Variants in TRIM37 observed in about 807,000 individuals in gnomAD.
The protein encoded by TRIM37 is E3 ubiquitin-protein ligase TRIM37.
Under a neutral mutation model 129.8 loss-of-function variants are expected in TRIM37, and 80 were observed. The observed-to-expected ratio is 0.62, with a 90% confidence interval of 0.51 to 0.74. The LOEUF (loss-of-function observed/expected upper bound fraction) is 0.74, where lower values mean the gene tolerates loss of function less well. Ranked by LOEUF, TRIM37 falls within the 30% of genes least tolerant of loss-of-function variation. The pLI is 0.00. For synonymous variants in TRIM37, 389 were observed against 387.1 expected (o/e 1.00, Z -0.06); for missense variants, 1,054 against 1,176.5 (o/e 0.90, Z 1.52).
chr17:59,080,719 A>C (rs2043184317), intron 6 of TRIM37, among the ~76,000 whole-genome samples: 1 of 152,180 alleles, frequency 6.6e-6, no homozygotes, highest in Non-Finnish European at 1.5e-5. Flanking sequence ...TGAGCCCGGG[A>C]GGTGGAGGTT....
rs72443487 is a variant in TRIM37, at chr17:59,012,227, G to GCAGCAGCAGCAGCAGCAGCACCACCAC, written c.2695+100_2695+101insGTGGTGGTGCTGCTGCTGCTGCTGCTG. ...CCTATCACTACCACCAGCAGCAGCA[G>GCAGCAGCAGCAGCAGCAGCACCACCAC]CACCACCACCACCACCACCACCACC... On this transcript the variant is annotated intron_variant, in intron 22 of 23. Coordinates refer to ENST00000262294, the MANE Select transcript of TRIM37 (RefSeq NM_015294.6). 47 of 611,954 alleles carry GCAGCAGCAGCAGCAGCAGCACCACCAC rather than the reference G, an allele frequency of 7.7e-5. No homozygotes were observed. In the African/African-American group the frequency reaches 8.1e-4, roughly 10 times the overall value. The allele number at this position is 611,954 out of a possible 1,614,324, so 37.9% of individuals were successfully genotyped here. A position where few individuals can be genotyped will look rare whatever the true frequency, so the allele number is the denominator to read the frequency against.
intron 18 of TRIM37, 46 bp downstream of exon 18, chr17:59,031,850 T>C (rs1599013287): frequency 1.9e-6 from 3 of 1,589,122 alleles, no homozygotes; most frequent in South Asian, 1.1e-5. Flanking sequence ...AGAGTTCTTT[T>C]AGAGAACCAC....
rs937952839 is a variant in TRIM37, at chr17:59,081,023, CTTATA to C, written c.492+69_492+73del. 8.4e-5 allele frequency: 76 copies of C among 903,882 alleles called. 1 individual carries two copies. In the African/African-American group the frequency reaches 9.8e-4, roughly 12 times the overall value. The allele number at this position is 903,882 out of a possible 1,614,324, so 56.0% of individuals were successfully genotyped here. ...AACCTTGATTTCAACATCTGATTAACTTATATTATATAAATATATTATTATATATT... is the reference window on the plus strand; with the variant it reads ...AACCTTGATTTCAACATCTGATTAACTTATATAAATATATTATTATATATT... On this transcript the variant is annotated intron_variant, in intron 6 of 23. Transcript: ENST00000262294.
chr17:58,980,708 T>G, downstream of TRIM37: 3 of 1,614,250 alleles, frequency 1.9e-6, no homozygotes, highest in South Asian at 3.3e-5. The surrounding 1 kb of genome is among the most constrained non-coding windows in gnomAD (Gnocchi z 4.7). Flanking sequence ...GTCTCCTGTC[T>G]GTTCAGGGTT....
chr17:59,032,758 A>G (rs1383588063), intron 17 of TRIM37, among the ~76,000 whole-genome samples: 1 of 152,094 alleles, frequency 6.6e-6, no homozygotes, highest in Non-Finnish European at 1.5e-5. Flanking sequence ...GTTTTAGATA[A>G]AAGAAGACAA....
chr17:59,058,951 AAAG>A (rs2041224619), intron 12 of TRIM37, among the ~76,000 whole-genome samples: 1 of 152,248 alleles, frequency 6.6e-6, no homozygotes, highest in Non-Finnish European at 1.5e-5. Context: ...ACAAAAAGAC[AAAG>A]AAGATAGCCT....
intron 17 of TRIM37, among the ~76,000 whole-genome samples, chr17:59,039,457 C>T (rs977377030): frequency 1.1e-4 from 17 of 151,942 alleles, no homozygotes; most frequent in African/African-American, 4.1e-4. Context: ...CGACATTCTC[C>T]TGCCTCAGCC....
intron 17 of TRIM37, among the ~76,000 whole-genome samples, chr17:59,037,359 C>A (rs1357421922): frequency 6.6e-6 from 1 of 151,510 alleles, no homozygotes; most frequent in East Asian, 2.0e-4. Context: ...GAGATCGAGA[C>A]CATCCTGGCT....
intron 21 of TRIM37, among the ~76,000 whole-genome samples, 187 bp from the exon 22 acceptor site, chr17:59,012,633 T>G (rs1362562946): frequency 1.3e-5 from 2 of 152,126 alleles, no homozygotes; most frequent in East Asian, 3.8e-4. Flanking sequence ...ATCCCAGCAC[T>G]TTGGGAGGCC....
Position 59,028,567 on chromosome 17 carries a change from C to T in TRIM37, c.2105G>A (p.Ser702Asn), listed in dbSNP as rs1330821421. 2 of 1,614,112 alleles carry T rather than the reference C, an allele frequency of 1.2e-6. No homozygotes were observed. Among genetic ancestry groups the T allele is most frequent in the East Asian group, 4.5e-5 (2 of 44,898 alleles). Residue 702 changes from serine (S) to asparagine (N), a missense_variant, in exon 19 of 24, where the codon AGC becomes AAC. By Grantham distance (46) the Ser-to-Asn change is conservative. Transcript: ENST00000262294. ...VKNTLSEIKS[S>N]SAASGDMQTS... Reference sequence around the variant, plus strand: ...CTGCATGTCTCCAGAAGCAGCACTGCTGCTTTTTATTTCTGAAAGTGTATT... The same window carrying T: ...CTGCATGTCTCCAGAAGCAGCACTGTTGCTTTTTATTTCTGAAAGTGTATT...
chr17:59,064,258 G>T, intron 10 of TRIM37, 97 bp downstream of exon 10: 1 of 901,306 alleles, frequency 1.1e-6, no homozygotes, highest in South Asian at 1.6e-5. Context: ...TAAAGTGAGT[G>T]ACACAGTTCA....
At chr17:59,034,238 T>A (rs1210840983) in intron 17 of TRIM37, among the ~76,000 whole-genome samples, 2 of 152,126 alleles carry the variant, frequency 1.3e-5, no homozygotes, top group Non-Finnish European at 2.9e-5. Flanking sequence ...GATTCTCCTT[T>A]AAAAATGTAA....
chr17:59,055,986 CTACTTT>C (rs1444244963), intron 13 of TRIM37, among the ~76,000 whole-genome samples: 1 of 152,140 alleles, frequency 6.6e-6, no homozygotes, highest in African/African-American at 2.4e-5. Context: ...CTTGACTCTT[CTACTTT>C]TAATTTGCTG....
intron 17 of TRIM37, among the ~76,000 whole-genome samples, chr17:59,040,461 C>T (rs77241604): frequency 0.012 from 1,833 of 152,110 alleles, 18 homozygotes; most frequent in Middle Eastern, 0.041. Context: ...GAATGTATAG[C>T]ATTATCAGTC....
intron 12 of TRIM37, among the ~76,000 whole-genome samples, chr17:59,058,069 A>C (rs1383511904): frequency 1.3e-5 from 2 of 152,236 alleles, no homozygotes; most frequent in African/African-American, 4.8e-5. Flanking sequence ...ATCACCTTGC[A>C]ATTTTAAAAT....
intron 19 of TRIM37, among the ~76,000 whole-genome samples, chr17:59,027,996 C>T (rs537336727): frequency 2.0e-5 from 3 of 152,190 alleles, no homozygotes; most frequent in Non-Finnish European, 1.5e-5. Flanking sequence ...GGTCTCAGGT[C>T]AAGTGCTGCC....
Position 59,070,101 on chromosome 17 carries a change from C to A in TRIM37, c.809+722G>T, listed in dbSNP as rs138120385. Among the ~76,000 whole-genome samples, 188 of 152,280 alleles carry A rather than the reference C, an allele frequency of 1.2e-3. 2 individuals are homozygous for A. In the Middle Eastern group the frequency reaches 0.017, roughly 14 times the overall value. On this transcript the variant is annotated intron_variant, in intron 9 of 23. Transcript: ENST00000262294. ...TGGCCTGGGGTATGGTATGACCCAGCACTGATTAATTTTCAGCCAAATCCC... is the reference window on the plus strand; with the variant it reads ...TGGCCTGGGGTATGGTATGACCCAGAACTGATTAATTTTCAGCCAAATCCC...
chr17:59,009,148 A>G (rs2034923672), intron 22 of TRIM37, among the ~76,000 whole-genome samples: 1 of 151,994 alleles, frequency 6.6e-6, no homozygotes, highest in South Asian at 2.1e-4. Flanking sequence ...TTTTTTTGAG[A>G]CAGAGTCTCG....
In TRIM37 at chr17:59,070,718, A is replaced by AAG. The variant is rs1019389434; in HGVS notation, c.809+103_809+104dup. 8.4e-5 allele frequency: 107 copies of AAG among 1,276,486 alleles called. No homozygotes were observed. In the South Asian group the frequency reaches 8.9e-4, roughly 11 times the overall value. 79.1% of individuals were successfully genotyped at this position (1,276,486 alleles called of 1,614,324 possible). On this transcript the variant is annotated intron_variant, in intron 9 of 23. Transcript: ENST00000262294. Reference sequence around the variant, plus strand: ...AAGTGAGACCCTATCTATAAAAGAAAAGAGAGAGAGAGATGGCATTAAAAA... The same window carrying AAG: ...AAGTGAGACCCTATCTATAAAAGAAAAGAGAGAGAGAGAGATGGCATTAAAAA...
Sources: allele counts gnomAD v4.1 joint callset (sites outside exome capture counted in the v4.1 genomes callset), GRCh38; gene constraint gnomAD v4.1.1; non-coding constraint Gnocchi (gnomAD v3.1); transcripts MANE v1.5; gene names NCBI Gene and HGNC (gene_info 2026-07-23, HGNC 2026-07-21).